The following RABGAP1L variants were observed in gnomAD, a reference collection of about 807,000 sequenced individuals.
RABGAP1L encodes rab GTPase-activating protein 1-like.
A neutral mutation model predicts 137.7 loss-of-function variants in RABGAP1L; 63 were observed. The observed-to-expected ratio is 0.46, with a 90% CI of 0.37 to 0.56. The LOEUF (loss-of-function observed/expected upper bound fraction) is 0.56, where lower values mean the gene tolerates loss of function less well. Ranked by LOEUF, RABGAP1L falls within the 20% of genes least tolerant of loss-of-function variation. The pLI is 0.00. For missense variants in RABGAP1L, 1,095 were observed against 1,244.0 expected (o/e 0.88, Z 1.80); for synonymous variants, 431 against 433.7 (o/e 0.99, Z 0.08).
intron 13 of RABGAP1L, among the ~76,000 whole-genome samples, chr1:174,558,861 GAA>G (rs1667041031): frequency 6.6e-6 from 1 of 152,118 alleles, no homozygotes; most frequent in Non-Finnish European, 1.5e-5. Context: ...CAGTCATTAT[GAA>G]TCTTGCATTC....
chr1:174,653,564 A>G (rs1675725372), intron 14 of RABGAP1L, among the ~76,000 whole-genome samples: 1 of 152,088 alleles, frequency 6.6e-6, no homozygotes, highest in Non-Finnish European at 1.5e-5. Flanking sequence ...TTGTGAGGTG[A>G]CACCCCACCC....
intron 14 of RABGAP1L, among the ~76,000 whole-genome samples, chr1:174,673,340 G>C (rs959266710): frequency 1.1e-4 from 17 of 152,152 alleles, no homozygotes; most frequent in Admixed American, 1.0e-3. Flanking sequence ...AATATCATTA[G>C]CAGAAAAAGT....
At chr1:174,387,166 CTG>C (rs1255264253) in intron 12 of RABGAP1L, among the ~76,000 whole-genome samples, 2 of 152,168 alleles carry the variant, frequency 1.3e-5, no homozygotes, top group Admixed American at 1.3e-4. Flanking sequence ...AACAAAGTAA[CTG>C]AAACACTGAG....
chr1:174,202,385 A>T (rs1365827124), intron 1 of RABGAP1L, among the ~76,000 whole-genome samples: 1 of 152,094 alleles, frequency 6.6e-6, no homozygotes, highest in East Asian at 1.9e-4. Context: ...TTTGATTTGC[A>T]TTTCTCTGAT....
At chr1:174,275,795 A>T (rs1356210588) in intron 8 of RABGAP1L, 38 bp from the exon 9 acceptor site, 11 of 1,445,678 alleles carry the variant, frequency 7.6e-6, no homozygotes, top group Admixed American at 5.8e-5. Flanking sequence ...GATTTTTTTG[A>T]TGTCTTTTAT....
intron 13 of RABGAP1L, among the ~76,000 whole-genome samples, chr1:174,560,531 C>T (rs1004034978): frequency 6.6e-6 from 1 of 152,200 alleles, no homozygotes; most frequent in African/African-American, 2.4e-5. Context: ...AGAATTGCTG[C>T]TGATGGAGAA....
At chr1:174,530,412 C>T (rs991194935) in intron 13 of RABGAP1L, among the ~76,000 whole-genome samples, 1 of 151,984 alleles carries the variant, frequency 6.6e-6, no homozygotes, top group Non-Finnish European at 1.5e-5. Flanking sequence ...TGTGTAGGAC[C>T]CAGCATGAGC....
At chr1:174,303,188 A>G (rs979853944) in intron 10 of RABGAP1L, among the ~76,000 whole-genome samples, 5 of 151,866 alleles carry the variant, frequency 3.3e-5, no homozygotes, top group Admixed American at 1.3e-4. Flanking sequence ...ATTCTGTTAC[A>G]TGTTTTATAT....
At chr1:174,560,321 G>A (rs1193854017) in intron 13 of RABGAP1L, among the ~76,000 whole-genome samples, 1 of 152,058 alleles carries the variant, frequency 6.6e-6, no homozygotes, top group Non-Finnish European at 1.5e-5. Flanking sequence ...ATTCATGGTA[G>A]TCCCATATAT....
chr1:174,609,004 C>T (rs1211829486), intron 13 of RABGAP1L, among the ~76,000 whole-genome samples: 1 of 151,932 alleles, frequency 6.6e-6, no homozygotes, highest in Non-Finnish European at 1.5e-5. Context: ...ACACTTATAC[C>T]GAATTACCTC....
At chr1:174,374,174 T>TA (rs1205123152) in intron 12 of RABGAP1L, among the ~76,000 whole-genome samples, 1 of 152,222 alleles carries the variant, frequency 6.6e-6, no homozygotes, top group African/African-American at 2.4e-5. Context: ...CTGCTACTGT[T>TA]ACGTGGTTTC....
intron 17 of RABGAP1L, among the ~76,000 whole-genome samples, chr1:174,720,628 T>C (rs1681447168): frequency 6.6e-6 from 1 of 152,108 alleles, no homozygotes; most frequent in Non-Finnish European, 1.5e-5. Flanking sequence ...TAACTGGATA[T>C]TGACTTATAA....
intron 18 of RABGAP1L, among the ~76,000 whole-genome samples, chr1:174,773,315 C>G (rs1310499517): frequency 1.3e-5 from 2 of 152,088 alleles, no homozygotes; most frequent in Non-Finnish European, 2.9e-5. Context: ...CACTTGAGCC[C>G]ATGAGTGCAA....
intron 13 of RABGAP1L, among the ~76,000 whole-genome samples, chr1:174,576,644 T>C (rs976148194): frequency 3.3e-5 from 5 of 152,216 alleles, no homozygotes; most frequent in African/African-American, 4.8e-5. Flanking sequence ...TATAACTTTT[T>C]CCCTATTTAT....
chr1:174,204,520 G>A (rs543011336), intron 1 of RABGAP1L, among the ~76,000 whole-genome samples: 3 of 152,134 alleles, frequency 2.0e-5, no homozygotes, highest in Non-Finnish European at 2.9e-5. Context: ...GCTTTTGACC[G>A]TTGAGTATAA....
chr1:174,323,059 A>G (rs1463284026), intron 11 of RABGAP1L, among the ~76,000 whole-genome samples: 3 of 152,194 alleles, frequency 2.0e-5, no homozygotes, highest in Non-Finnish European at 4.4e-5. Context: ...CCATAAGAAT[A>G]TATTATACAC....
intron 11 of RABGAP1L, among the ~76,000 whole-genome samples, chr1:174,351,975 T>C (rs939840605): frequency 6.6e-6 from 1 of 151,884 alleles, no homozygotes; most frequent in Non-Finnish European, 1.5e-5. Context: ...CTAATTTTTT[T>C]GCTTTTGTAT....
chr1:174,551,575 A>G (rs573110056), intron 13 of RABGAP1L, among the ~76,000 whole-genome samples: 4 of 152,296 alleles, frequency 2.6e-5, no homozygotes, highest in African/African-American at 9.6e-5. Flanking sequence ...AGGTTCTCAG[A>G]TCAATAGTGT....
chr1:174,972,853 C>CAAAA (rs373159573), intron 21 of RABGAP1L, among the ~76,000 whole-genome samples: 1,433 of 52,786 alleles, frequency 0.027, 372 homozygotes, highest in African/African-American at 0.1. Context: ...GACTCTGTCT[C>CAAAA]AAAAAAAAAA....
Sources: gnomAD v4.1 joint callset for allele counts (sites outside exome capture counted in the v4.1 genomes callset) on GRCh38, gnomAD v4.1.1 for gene constraint, MANE v1.5 for transcripts, NCBI Gene and HGNC (gene_info 2026-07-23, HGNC 2026-07-21) for gene names.